FGF14: variants seen among roughly 807,000 people sequenced by gnomAD.
The protein encoded by FGF14 is fibroblast growth factor 14, also known as fibroblast growth factor homologous factor 4.
A neutral mutation model predicts 25.5 loss-of-function variants in FGF14; 5 were observed. That is an observed-to-expected ratio of 0.20 (90% CI 0.10 to 0.41). FGF14 has a LOEUF of 0.41. Ranked by LOEUF, FGF14 falls within the 10% of genes least tolerant of loss-of-function variation. The probability of loss-of-function intolerance (pLI) is 1.00; values close to 1 mark genes in which losing one functional copy is unlikely to be tolerated. For synonymous variants in FGF14, 138 were observed against 118.3 expected, an observed-to-expected ratio of 1.17 and a Z score of -1.08; for missense variants, 222 against 320.1, an observed-to-expected ratio of 0.69 and a Z score of 2.34.
intron 1 of FGF14, among the ~76,000 whole-genome samples, chr13:102,310,464 A>T (rs2055671657): frequency 6.6e-6 from 1 of 152,112 alleles, no homozygotes; most frequent in African/African-American, 2.4e-5. Context: ...AGGAGAAGAG[A>T]ACTTACTTTT....
At chr13:101,826,204 T>C (rs906907542) in intron 3 of FGF14, among the ~76,000 whole-genome samples, 1 of 152,038 alleles carries the variant, frequency 6.6e-6, no homozygotes, top group Admixed American at 6.6e-5. Flanking sequence ...TTTTAGTCTT[T>C]TTTCTACCAT....
At chr13:101,797,735 A>AT (rs533967581) in intron 3 of FGF14, among the ~76,000 whole-genome samples, 3 of 33,998 alleles carry the variant, frequency 8.8e-5, no homozygotes, top group Non-Finnish European at 3.0e-4. Context: ...TCATGAATTG[A>AT]TGTGTGTGTG....
chr13:101,935,248 C>G (rs957496291), intron 1 of FGF14, among the ~76,000 whole-genome samples: 10 of 152,212 alleles, frequency 6.6e-5, no homozygotes, highest in Non-Finnish European at 2.9e-5. Flanking sequence ...CCCTTCAGGG[C>G]TACATCCAGC....
At chr13:102,304,810 G>C (rs1380840296) in intron 1 of FGF14, among the ~76,000 whole-genome samples, 2 of 152,128 alleles carry the variant, frequency 1.3e-5, no homozygotes, top group South Asian at 2.1e-4. Context: ...TCTTAGAAGA[G>C]GGTGCTCCAG....
At chr13:101,751,746 G>A (rs1313669470) in intron 3 of FGF14, among the ~76,000 whole-genome samples, 1 of 152,094 alleles carries the variant, frequency 6.6e-6, no homozygotes, top group African/African-American at 2.4e-5. Context: ...AGTAGCAGTT[G>A]AGACCATCTG....
intron 1 of FGF14, among the ~76,000 whole-genome samples, chr13:102,065,535 C>CA (rs1274981686): frequency 1.3e-5 from 2 of 151,788 alleles, no homozygotes; most frequent in African/African-American, 4.8e-5. Context: ...TTTTAAAATA[C>CA]AAAAAAGAGC....
At chr13:101,918,638 G>A (rs759063300), upstream of FGF14, among the ~76,000 whole-genome samples, 1 of 152,178 alleles carries the variant, frequency 6.6e-6, no homozygotes, top group Non-Finnish European at 1.5e-5. Context: ...AGGGAGGCTG[G>A]GCACCTTCTG....
Position 101,951,400 on chromosome 13 carries a change from A to AC in FGF14, c.209-76105_209-76104insG, listed in dbSNP as rs538172975. 6.6e-5 allele frequency among the ~76,000 whole-genome samples: 10 copies of AC among 151,714 alleles called. No homozygotes were observed. In the East Asian group the frequency reaches 1.7e-3, roughly 26 times the overall value. ...GGAAGAGAAATAATTTAATCCCTTT[A>AC]TTTTTTTTCAGTTTTCTAGAACCAA... is the stretch of plus-strand genomic sequence containing the variant. On this transcript the variant is annotated intron_variant, in intron 1 of 4. Transcript: ENST00000376131.
At chr13:101,896,870 T>C (rs1266846936) in intron 1 of FGF14, among the ~76,000 whole-genome samples, 1 of 152,180 alleles carries the variant, frequency 6.6e-6, no homozygotes, top group Non-Finnish European at 1.5e-5. Context: ...GTTTTGGGCC[T>C]TATCTATGTT....
chr13:102,135,417 C>A (rs1220565417), intron 1 of FGF14, among the ~76,000 whole-genome samples: 3 of 152,054 alleles, frequency 2.0e-5, no homozygotes, highest in Admixed American at 2.0e-4. Flanking sequence ...TTTCTACAAG[C>A]CATACGAACA....
At chr13:101,909,254 A>G (rs147126285) in intron 1 of FGF14, among the ~76,000 whole-genome samples, 7,079 of 152,274 alleles carry the variant, frequency 0.046, 300 homozygotes, top group Admixed American at 0.14. Flanking sequence ...ATCTAATTAA[A>G]CTAAAGAGCT....
chr13:102,392,422 T>C (rs928503630), intron 1 of FGF14, among the ~76,000 whole-genome samples: 4 of 152,228 alleles, frequency 2.6e-5, no homozygotes, highest in Non-Finnish European at 5.9e-5. Context: ...CATATCTTTA[T>C]TGTAAAGCAT....
At chr13:102,228,414 C>T (rs931723981) in intron 1 of FGF14, among the ~76,000 whole-genome samples, 9 of 152,182 alleles carry the variant, frequency 5.9e-5, no homozygotes, top group Non-Finnish European at 1.3e-4. Context: ...GCCCCTTAAA[C>T]TTACTCAGAG....
At chr13:102,151,940 C>A (rs753003502) in intron 1 of FGF14, among the ~76,000 whole-genome samples, 1 of 152,110 alleles carries the variant, frequency 6.6e-6, no homozygotes, top group Non-Finnish European at 1.5e-5. Context: ...TTATTCCCCA[C>A]AACAAGATTA....
intron 3 of FGF14, among the ~76,000 whole-genome samples, chr13:101,790,298 T>C (rs2040159851): frequency 1.3e-5 from 2 of 152,128 alleles, no homozygotes. Flanking sequence ...GTAACTGCCG[T>C]AAACATTTAA....
At chr13:101,808,003 T>C (rs1378204081) in intron 3 of FGF14, among the ~76,000 whole-genome samples, 1 of 152,032 alleles carries the variant, frequency 6.6e-6, no homozygotes, top group Non-Finnish European at 1.5e-5. Flanking sequence ...GGTTGAAAGG[T>C]TGGAGCAGTT....
chr13:101,879,479 C>T (rs563806632), intron 1 of FGF14, among the ~76,000 whole-genome samples: 6 of 152,250 alleles, frequency 3.9e-5, no homozygotes, highest in African/African-American at 1.4e-4. Flanking sequence ...CACTCATTCT[C>T]TTAGAAATGA....
rs143986803 is a variant in FGF14, at chr13:102,089,572, A to G, written c.209-214276T>C. 7.7e-4 allele frequency among the ~76,000 whole-genome samples: 117 copies of G among 152,318 alleles called. 1 individual carries two copies. The highest frequency in any genetic ancestry group is 2.6e-3 in the African/African-American group (108 of 41,580). On this transcript the variant is annotated intron_variant, in intron 1 of 4. Transcript: ENST00000376131. ...GTTGATATTACTGCCTAAACGTTCCACATTTTTCCTAAGTTTTACTTTCAA... is the reference window on the plus strand; with the variant it reads ...GTTGATATTACTGCCTAAACGTTCCGCATTTTTCCTAAGTTTTACTTTCAA...
At chr13:102,308,018 C>T (rs2055495226) in intron 1 of FGF14, among the ~76,000 whole-genome samples, 1 of 152,192 alleles carries the variant, frequency 6.6e-6, no homozygotes, top group Non-Finnish European at 1.5e-5. Context: ...AAAGCCAGAA[C>T]TGACCTCAGA....
Sources: allele counts gnomAD v4.1 joint callset (sites outside exome capture counted in the v4.1 genomes callset), GRCh38; gene constraint gnomAD v4.1.1; transcripts MANE v1.5; gene names NCBI Gene and HGNC (gene_info 2026-07-23, HGNC 2026-07-21).